The following XRCC5 variants were observed in gnomAD, a reference collection of about 807,000 sequenced individuals.
The protein encoded by XRCC5 is X-ray repair cross complementing 5.
A neutral mutation model predicts 95.7 loss-of-function variants in XRCC5; 12 were observed. The observed-to-expected ratio is 0.13, with a 90% CI of 0.08 to 0.20. XRCC5 has a LOEUF of 0.20. XRCC5 is among the 10% of genes least tolerant of loss of function. The pLI is 1.00. For missense variants in XRCC5, 595 were observed against 873.9 expected, an observed-to-expected ratio of 0.68 and a Z score of 4.02; for synonymous variants, 281 against 290.3, an observed-to-expected ratio of 0.97 and a Z score of 0.33.
intron 5 of XRCC5, among the ~76,000 whole-genome samples, chr2:216,121,637 A>G (rs1244599522): frequency 6.6e-6 from 1 of 152,150 alleles, no homozygotes; most frequent in African/African-American, 2.4e-5. Flanking sequence ...CTCTGTCTTA[A>G]TAGTATCATA....
At chr2:216,188,072 T>A (rs2106045461) in intron 16 of XRCC5, among the ~76,000 whole-genome samples, 1 of 152,234 alleles carries the variant, frequency 6.6e-6, no homozygotes, top group African/African-American at 2.4e-5. Flanking sequence ...TAATCCTCAC[T>A]CTTTTTTCTT....
chr2:216,195,175 T>A lies in XRCC5; in HGVS notation c.2109+189T>A, dbSNP rs576430979. Among the ~76,000 whole-genome samples, 39 of 152,284 alleles carry A rather than the reference T, an allele frequency of 2.6e-4. 1 individual carries two copies. In the South Asian group the frequency reaches 7.7e-3, roughly 30 times the overall value. ...TAATCTTACTCAGTTTCCTGTAGGC[T>A]GTGGTTATATTTCTGGAACTCACCT... On this transcript the variant is annotated intron_variant, in intron 19 of 20. Transcript: ENST00000392132.
At chr2:216,160,224 G>A (rs922409716) in intron 15 of XRCC5, 63 bp downstream of exon 15, 30 of 1,148,302 alleles carry the variant, frequency 2.6e-5, no homozygotes, top group African/African-American at 3.2e-5. Context: ...GAGGGAGAGT[G>A]CATCAATTTT....
Position 216,138,152 on chromosome 2 carries a change from A to G in XRCC5, c.1315A>G (p.Lys439Glu), listed in dbSNP as rs1369154872. Residue 439 changes from lysine to glutamate, a missense_variant, in exon 12 of 21, where the codon AAA (lysine) becomes GAA (glutamate). Physicochemically the swap from Lys to Glu is moderately conservative, Grantham distance 56. Around this residue, in one of 2 missense-constraint regions of XRCC5, gnomAD observed 309 missense variants for 382.9 expected, o/e 0.81. Coordinates refer to ENST00000392132, the MANE Select transcript of XRCC5 (RefSeq NM_021141.4). ...GCGGCAATACATGTTTTCATCCTTG[A>G]AAAACAGTAAGAAATATGCTCCCAC... is the stretch of plus-strand genomic sequence containing the variant. ...DLRQYMFSSL[K>E]NSKKYAPTEA... The G allele has an allele frequency of 6.2e-7, 1 of 1,613,314 alleles. No homozygotes were observed. The highest frequency in any genetic ancestry group is 8.5e-7 in the Non-Finnish European group (1 of 1,179,932).
At position 216,145,379 on chromosome 2, in the gene XRCC5, TA is replaced by T. The variant is rs201550532; in HGVS notation, c.1477-2700del. Among the ~76,000 whole-genome samples, 1,119 of 152,352 alleles carry T rather than the reference TA, an allele frequency of 7.3e-3. 17 individuals carry two copies. Among genetic ancestry groups the T allele is most frequent in the African/African-American group, 0.025 (1,037 of 41,582 alleles). Reference sequence around the variant, plus strand: ...AAATATATCTTGTCAAGTATACAGTTAAAACCACTTTTTAAATAATTGATAC... The same window carrying T: ...AAATATATCTTGTCAAGTATACAGTTAAACCACTTTTTAAATAATTGATAC... On this transcript the variant is annotated intron_variant, in intron 13 of 20. Transcript: ENST00000392132.
At chr2:216,182,084 T>C (rs1689399376) in intron 16 of XRCC5, among the ~76,000 whole-genome samples, 1 of 152,206 alleles carries the variant, frequency 6.6e-6, no homozygotes, top group Non-Finnish European at 1.5e-5. Context: ...CTCAAATTCT[T>C]GAGGCATCCT....
At chr2:216,161,105 G>T (rs567614846) in intron 15 of XRCC5, among the ~76,000 whole-genome samples, 2 of 152,136 alleles carry the variant, frequency 1.3e-5, no homozygotes, top group Admixed American at 6.5e-5. Flanking sequence ...TAAAGGGCAT[G>T]CCTTTATTCT....
chr2:216,131,288 G>T, intron 9 of XRCC5: 1 of 982,942 alleles, frequency 1.0e-6, no homozygotes, highest in Non-Finnish European at 1.2e-6. Context: ...TCCCTTTGAG[G>T]TTCAGTCTTC....
rs578144544 is a variant in XRCC5, at chr2:216,112,514, A to G, written c.22-502A>G. ...GATCATCAGTTTACAAACTGACTCAAATTGTCAGGGTATACCTCTTAGCAT... is the reference window on the plus strand; with the variant it reads ...GATCATCAGTTTACAAACTGACTCAGATTGTCAGGGTATACCTCTTAGCAT... On this transcript the variant is annotated intron_variant, in intron 1 of 20. Coordinates refer to ENST00000392132, the MANE Select transcript of XRCC5 (RefSeq NM_021141.4). Among the ~76,000 whole-genome samples the G allele has an allele frequency of 1.2e-4, 18 of 152,322 alleles. 1 individual carries two copies. Among genetic ancestry groups the G allele is most frequent in the African/African-American group, 3.8e-4 (16 of 41,570 alleles).
chr2:216,148,393 A>C (rs1688679170), intron 14 of XRCC5, 117 bp downstream of exon 14: 2 of 920,644 alleles, frequency 2.2e-6, no homozygotes, highest in Non-Finnish European at 3.2e-6. Context: ...GAGAGGAAGA[A>C]GCCTTTTGCT....
At chr2:216,172,471 T>TTTTTTTC (rs1553576438) in intron 16 of XRCC5, among the ~76,000 whole-genome samples, 3 of 137,438 alleles carry the variant, frequency 2.2e-5, no homozygotes, top group Non-Finnish European at 4.7e-5. Flanking sequence ...TTTCTTTTCT[T>TTTTTTTC]TTTTTTTTTT....
chr2:216,187,821 A>ACACACACACACACACACACC (rs1312215177), intron 16 of XRCC5, among the ~76,000 whole-genome samples: 2 of 47,948 alleles, frequency 4.2e-5, no homozygotes, highest in African/African-American at 2.0e-4. Flanking sequence ...ACACACACAC[A>ACACACACACACACACACACC]CTCTCTCTCT....
chr2:216,151,833 T>A (rs1688751208), intron 14 of XRCC5, among the ~76,000 whole-genome samples: 1 of 152,186 alleles, frequency 6.6e-6, no homozygotes, highest in African/African-American at 2.4e-5. Flanking sequence ...CTCATGCTGC[T>A]ATAAAGAAAT....
At position 216,205,394 on chromosome 2, in the gene XRCC5, C is replaced by T. The variant is rs1200242586; in HGVS notation, c.*192C>T. On this transcript the variant is annotated 3_prime_UTR_variant, in exon 21 of 21. Coordinates refer to ENST00000392132, the MANE Select transcript of XRCC5 (RefSeq NM_021141.4). ...TATATATTACAAGGGATAATTTAGACCCCATACAAGTTTATAAAGAGTCAT... is the reference window on the plus strand; with the variant it reads ...TATATATTACAAGGGATAATTTAGATCCCATACAAGTTTATAAAGAGTCAT... The T allele has an allele frequency of 9.7e-6, 6 of 618,860 alleles. No individual in the cohort carries two copies. The highest frequency in any genetic ancestry group is 1.7e-5 in the Non-Finnish European group (6 of 349,116). 38.3% of individuals were successfully genotyped at this position (618,860 alleles called of 1,614,324 possible). A position where few individuals can be genotyped will look rare whatever the true frequency, so the allele number is the denominator to read the frequency against.
chr2:216,161,508 C>T (rs911204736), intron 15 of XRCC5, among the ~76,000 whole-genome samples: 2 of 152,192 alleles, frequency 1.3e-5, no homozygotes, highest in Admixed American at 1.3e-4. Flanking sequence ...ACTTCAGTGC[C>T]AAAGGGTCAG....
At chr2:216,117,417 G>T in intron 3 of XRCC5, 1 of 300,912 alleles carries the variant, frequency 3.3e-6, no homozygotes, top group Admixed American at 4.4e-5. Context: ...GCTACATTAT[G>T]GTTCGCTTCA....
chr2:216,149,858 A>T lies in XRCC5; in HGVS notation c.1670+1582A>T, dbSNP rs16855471. Among the ~76,000 whole-genome samples the T allele has an allele frequency of 6.8e-4, 104 of 152,240 alleles. 1 individual carries two copies. The East Asian group carries it at 0.017, about 25-fold the overall frequency. On this transcript the variant is annotated intron_variant, in intron 14 of 20. Coordinates refer to ENST00000392132, the MANE Select transcript of XRCC5 (RefSeq NM_021141.4). ...GAGCTTCTTGTTCTTTGCTCCCATAATGGCTCGCAGCATAGCTAAGTTAAT... is the reference window on the plus strand; with the variant it reads ...GAGCTTCTTGTTCTTTGCTCCCATATTGGCTCGCAGCATAGCTAAGTTAAT...
chr2:216,193,467 T>C (rs3770492), intron 18 of XRCC5, among the ~76,000 whole-genome samples: 110,199 of 152,184 alleles, frequency 0.72, 41,415 homozygotes, highest in East Asian at 0.95. Context: ...TCTTTCTGTG[T>C]GAATTCTATA....
Position 216,205,273 on chromosome 2 carries a change from G to A in XRCC5, c.*71G>A. 2 of 1,603,704 alleles carry A rather than the reference G, an allele frequency of 1.2e-6. No individual in the cohort carries two copies. The highest frequency in any genetic ancestry group is 1.7e-6 in the Non-Finnish European group (2 of 1,170,730). ...GCTGGGAGTTCTAACAAAACAAGTTGGATGCGGCCATTCAAGGGGAGCCAA... is the reference window on the plus strand; with the variant it reads ...GCTGGGAGTTCTAACAAAACAAGTTAGATGCGGCCATTCAAGGGGAGCCAA... On this transcript the variant is annotated 3_prime_UTR_variant, in exon 21 of 21. Coordinates refer to ENST00000392132, the MANE Select transcript of XRCC5 (RefSeq NM_021141.4).
Sources: allele counts gnomAD v4.1 joint callset (sites outside exome capture counted in the v4.1 genomes callset), GRCh38; gene constraint gnomAD v4.1.1; regional missense constraint gnomAD v4.1.1; transcripts MANE v1.5; gene names NCBI Gene and HGNC (gene_info 2026-07-23, HGNC 2026-07-21).